TSPEAR: variants seen among roughly 807,000 people sequenced by gnomAD.
TSPEAR encodes thrombospondin-type laminin G domain and EAR repeat-containing protein.
Under a neutral mutation model 71.6 loss-of-function variants are expected in TSPEAR, and 69 were observed. The ratio of observed to expected loss-of-function variants is 0.96; its 90% CI spans 0.79 to 1.18. TSPEAR has a LOEUF of 1.18. Ranked by LOEUF, TSPEAR falls within the 50% of genes most tolerant of loss-of-function variation. TSPEAR has a pLI of 0.00. For missense variants in TSPEAR, 971 were observed against 894.9 expected (o/e 1.09, Z -1.09); for synonymous variants, 402 against 387.2 (o/e 1.04, Z -0.45).
At chr21:44,517,690 C>T in intron 9 of TSPEAR, 1 of 451,692 alleles carries the variant, frequency 2.2e-6, no homozygotes, top group Non-Finnish European at 4.6e-6. Flanking sequence ...CATGTGGGAG[C>T]CGTGCATGGC....
chr21:44,572,462 C>G (rs2053816601), intron 1 of TSPEAR, among the ~76,000 whole-genome samples: 1 of 152,108 alleles, frequency 6.6e-6, no homozygotes, highest in African/African-American at 2.4e-5. Flanking sequence ...TCCACGAGGT[C>G]AAGCCACACC....
chr21:44,654,185 T>A, intron 1 of TSPEAR: 1 of 1,039,044 alleles, frequency 9.6e-7, no homozygotes, highest in Non-Finnish European at 1.5e-6. Context: ...GACAGTTTGC[T>A]GTGGGAGGAT....
Position 44,539,729 on chromosome 21 carries a change from C to T in TSPEAR, c.304-5806G>A, listed in dbSNP as rs2053175907. On this transcript the variant is annotated intron_variant, in intron 2 of 11. Coordinates refer to ENST00000323084, the MANE Select transcript of TSPEAR (RefSeq NM_144991.3). ...AGGCTTGCAGCAAACAGGCACACAG[C>T]AGGACTGCTGGCTGGAGGAAGAGGC... 6.2e-6 allele frequency: 10 copies of T among 1,612,332 alleles called. No homozygotes were observed. Among genetic ancestry groups the T allele is most frequent in the Admixed American group, 5.0e-5 (3 of 59,742 alleles).
intron 1 of TSPEAR, among the ~76,000 whole-genome samples, chr21:44,614,006 G>A (rs1428113385): frequency 6.6e-6 from 1 of 151,556 alleles, no homozygotes; most frequent in African/African-American, 2.4e-5. Flanking sequence ...CTGCCCAGCG[G>A]CATAGGGACT....
intron 9 of TSPEAR, chr21:44,516,542 AAACACC>A (rs1555913462): frequency 1.3e-5 from 2 of 152,198 alleles, no homozygotes; most frequent in Non-Finnish European, 2.9e-5. Flanking sequence ...CTCCACTAAT[AAACACC>A]AACACCCGCG....
rs375980306 is a variant in TSPEAR, at chr21:44,711,260, C to T, written c.82+173G>A. Among the ~76,000 whole-genome samples the T allele has an allele frequency of 3.0e-3, 455 of 152,192 alleles. 3 individuals carry two copies. Among genetic ancestry groups the T allele is most frequent in the African/African-American group, 9.6e-3 (398 of 41,542 alleles). Reference sequence around the variant, plus strand: ...TGCCCTGCGCTTTCATCTTCCCCACCTGTGCTCCTCCCGCCTCTGCCCATC... The same window carrying T: ...TGCCCTGCGCTTTCATCTTCCCCACTTGTGCTCCTCCCGCCTCTGCCCATC... On this transcript the variant is annotated intron_variant, in intron 1 of 11. Transcript: ENST00000323084. The surrounding 1 kb of genome is among the most constrained non-coding windows in gnomAD (Gnocchi z 4.5).
intron 1 of TSPEAR, chr21:44,602,048 T>C: frequency 2.1e-6 from 1 of 486,862 alleles, no homozygotes. Flanking sequence ...ACTGGGTTTC[T>C]CGTCACTGTC....
chr21:44,604,135 C>T lies in TSPEAR; in HGVS notation c.83-36130G>A, dbSNP rs782674004. On this transcript the variant is annotated intron_variant, in intron 1 of 11. Coordinates refer to ENST00000323084, the MANE Select transcript of TSPEAR (RefSeq NM_144991.3). The stretch of plus-strand genomic sequence containing the variant: ...GAGCCCTGCTGCCTCTCTTCCTTGC[C>T]GGGCTATCTTGGAGGCTCACGTGCC... Among the ~76,000 whole-genome samples the T allele has an allele frequency of 2.6e-5, 4 of 152,098 alleles. 1 individual carries two copies. The highest frequency in any genetic ancestry group is 5.9e-5 in the Non-Finnish European group (4 of 68,010).
At chr21:44,538,953 TC>T (rs1356729281) in intron 2 of TSPEAR, 6 of 446,858 alleles carry the variant, frequency 1.3e-5, no homozygotes, top group Non-Finnish European at 2.0e-5. Flanking sequence ...AAACCATGTG[TC>T]CCCCAGGAAC....
At chr21:44,591,632 G>T in intron 1 of TSPEAR, 1 of 1,613,838 alleles carries the variant, frequency 6.2e-7, no homozygotes, top group East Asian at 2.2e-5. Context: ...CAGCTAGACT[G>T]CTGGCAGCAT....
intron 1 of TSPEAR, among the ~76,000 whole-genome samples, chr21:44,575,569 G>T (rs1978382847): frequency 6.6e-6 from 1 of 152,226 alleles, no homozygotes; most frequent in Non-Finnish European, 1.5e-5. Context: ...CCTTGGGTTT[G>T]TCCCTAACCC....
At chr21:44,572,898 G>A (rs1429700966) in intron 1 of TSPEAR, among the ~76,000 whole-genome samples, 1 of 147,668 alleles carries the variant, frequency 6.8e-6, no homozygotes, top group Non-Finnish European at 1.5e-5. Context: ...GAGAAGCTGT[G>A]TGAAGATAAA....
chr21:44,641,680 G>A (rs1984029808), intron 1 of TSPEAR, among the ~76,000 whole-genome samples: 1 of 152,220 alleles, frequency 6.6e-6, no homozygotes, highest in South Asian at 2.1e-4. Flanking sequence ...GGGGTCTGGT[G>A]AAATGAATGA....
chr21:44,647,445 C>A, intron 1 of TSPEAR: 1 of 1,412,074 alleles, frequency 7.1e-7, no homozygotes, highest in Non-Finnish European at 9.6e-7. Flanking sequence ...CAGAATCCAC[C>A]AGCTCCATCA....
chr21:44,568,786 G>A lies in TSPEAR; in HGVS notation c.83-781C>T, dbSNP rs9982654. 6.4e-3 allele frequency among the ~76,000 whole-genome samples: 981 copies of A among 152,252 alleles called. 9 individuals are homozygous for A. The highest frequency in any genetic ancestry group is 0.022 in the African/African-American group (920 of 41,546). On this transcript the variant is annotated intron_variant, in intron 1 of 11. Coordinates refer to ENST00000323084, the MANE Select transcript of TSPEAR (RefSeq NM_144991.3). ...CCCCAGCCTGGGTAAATGCCAGGGC[G>A]TGGCTGAATGAAGCAGGTGTTCCTG...
chr21:44,572,730 C>T (rs587641606), intron 1 of TSPEAR, among the ~76,000 whole-genome samples: 1 of 151,836 alleles, frequency 6.6e-6, no homozygotes, highest in South Asian at 2.1e-4. Context: ...GAATGTGACC[C>T]TATATGGAAA....
At chr21:44,578,148 G>T (rs778690511) in intron 1 of TSPEAR, among the ~76,000 whole-genome samples, 1 of 152,088 alleles carries the variant, frequency 6.6e-6, no homozygotes, top group Admixed American at 6.5e-5. Flanking sequence ...CCCAGTCTTG[G>T]GTATGTCTTT....
chr21:44,502,766 G>A (rs1040391735), intron 11 of TSPEAR, among the ~76,000 whole-genome samples: 7 of 152,250 alleles, frequency 4.6e-5, no homozygotes, highest in Non-Finnish European at 7.3e-5. Flanking sequence ...CTTGGGACTC[G>A]CTGTGAGCCG....
chr21:44,602,783 C>T (rs1555929191), intron 1 of TSPEAR, among the ~76,000 whole-genome samples: 1 of 152,160 alleles, frequency 6.6e-6, no homozygotes, highest in African/African-American at 2.4e-5. Flanking sequence ...CTGCGTGACC[C>T]CCACCCCAGG....
Sources: gnomAD v4.1 joint callset for allele counts (sites outside exome capture counted in the v4.1 genomes callset) on GRCh38, gnomAD v4.1.1 for gene constraint, Gnocchi (gnomAD v3.1) non-coding constraint, MANE v1.5 for transcripts, NCBI Gene and HGNC (gene_info 2026-07-23, HGNC 2026-07-21) for gene names.